The following TTBK1 variants were observed in gnomAD, a reference collection of about 807,000 sequenced individuals.
TTBK1 encodes the protein tau tubulin kinase 1.
Under a neutral mutation model 108.5 loss-of-function variants are expected in TTBK1, and 34 were observed. The ratio of observed to expected loss-of-function variants is 0.31; its 90% confidence interval spans 0.24 to 0.42. The LOEUF (loss-of-function observed/expected upper bound fraction) is 0.42, where lower values mean the gene tolerates loss of function less well. Ranked by LOEUF, TTBK1 falls within the 10% of genes least tolerant of loss-of-function variation. The probability of loss-of-function intolerance (pLI) is 1.00; values close to 1 mark genes in which losing one functional copy is unlikely to be tolerated. For missense variants in TTBK1, 1,539 were observed against 1,826.0 expected, an observed-to-expected ratio of 0.84 and a Z score of 2.86; for synonymous variants, 809 against 795.1, an observed-to-expected ratio of 1.02 and a Z score of -0.29.
chr6:43,275,357 G>T (rs1295728497), intron 13 of TTBK1, among the ~76,000 whole-genome samples: 2 of 149,922 alleles, frequency 1.3e-5, no homozygotes, highest in African/African-American at 4.9e-5. Flanking sequence ...CGCGTCCCCC[G>T]CCGCCCCCGT....
chr6:43,268,714 C>T (rs796797737), intron 13 of TTBK1, among the ~76,000 whole-genome samples: 28 of 152,284 alleles, frequency 1.8e-4, no homozygotes, highest in Middle Eastern at 3.4e-3. Flanking sequence ...TTCCAGAAGG[C>T]GATGAGGCAG....
intron 10 of TTBK1, among the ~76,000 whole-genome samples, chr6:43,258,432 C>G (rs1777435010): frequency 6.6e-6 from 1 of 152,062 alleles, no homozygotes; most frequent in South Asian, 2.1e-4. Flanking sequence ...TTAGAAGGGG[C>G]TCTCCACCCA....
Position 43,254,540 on chromosome 6 carries a change from C to T in TTBK1, c.472-7C>T, listed in dbSNP as rs1171997128. ...CCCCCAGAGCTCACAGCTGCTGTCT[C>T]CCCCAGTCAAACTTTGCCATGGGCA... On this transcript the variant is annotated splice_polypyrimidine_tract_variant and splice_region_variant and intron_variant, in intron 5 of 14. Coordinates refer to ENST00000259750, the MANE Select transcript of TTBK1 (RefSeq NM_032538.3). 6.4e-7 allele frequency: 1 copy of T among 1,568,068 alleles called. No individual in the cohort carries two copies. Among genetic ancestry groups the T allele is most frequent in the Non-Finnish European group, 8.6e-7 (1 of 1,160,210 alleles).
chr6:43,281,784 G>GA (rs1778171165), intron 13 of TTBK1, among the ~76,000 whole-genome samples: 2 of 152,186 alleles, frequency 1.3e-5, no homozygotes, highest in Admixed American at 1.3e-4. Flanking sequence ...TCCCACCATG[G>GA]AACAAAGCTG....
chr6:43,278,053 G>C (rs1448237587), intron 13 of TTBK1, among the ~76,000 whole-genome samples: 1 of 152,184 alleles, frequency 6.6e-6, no homozygotes, highest in East Asian at 1.9e-4. Flanking sequence ...CTGTGGGCCG[G>C]GGTGCAGTGC....
Position 43,285,253 on chromosome 6 carries a change from C to A in TTBK1, c.3843C>A (p.Ala1281=), listed in dbSNP as rs1452552705. The A allele has an allele frequency of 6.2e-6, 8 of 1,298,092 alleles. No individual in the cohort carries two copies. The African/African-American group carries it at 9.3e-5, about 15-fold the overall frequency. 80.4% of individuals were successfully genotyped at this position (1,298,092 alleles called of 1,614,324 possible). The change falls in exon 15 of 15, where the codon GCC becomes GCA. Residue 1281 remains alanine, a synonymous_variant. Transcript: ENST00000259750. This position sits in a 1 kb window ranked among gnomAD's most constrained non-coding sequence, Gnocchi z 4.7. The part of the protein sequence containing the change: ...PPPRGVPPAR[A]QPDGTPSPGG... ...CCCGGGGCGTCCCGCCGGCCCGGGC[C>A]CAGCCTGATGGCACCCCCTCCCCCG...
chr6:43,246,385 G>C (rs945611957), intron 1 of TTBK1, among the ~76,000 whole-genome samples: 1 of 152,174 alleles, frequency 6.6e-6, no homozygotes, highest in South Asian at 2.1e-4. Flanking sequence ...CTTCTTCATT[G>C]GTCAACATGT....
chr6:43,246,824 C>G lies in TTBK1; in HGVS notation c.108+56C>G, dbSNP rs894197228. Reference sequence around the variant, plus strand: ...GGGTAGCGGGGAGGGAGGCGAGGACCTGGAGACTTGTTAAAACCGGTGCCC... The same window carrying G: ...GGGTAGCGGGGAGGGAGGCGAGGACGTGGAGACTTGTTAAAACCGGTGCCC... On this transcript the variant is annotated intron_variant, in intron 2 of 14. Coordinates refer to ENST00000259750, the MANE Select transcript of TTBK1 (RefSeq NM_032538.3). The G allele has an allele frequency of 6.9e-6, 10 of 1,454,572 alleles. No homozygotes were observed. In the African/African-American group the frequency reaches 1.3e-4, roughly 18 times the overall value. 90.1% of individuals were successfully genotyped at this position (1,454,572 alleles called of 1,614,324 possible).
chr6:43,249,890 T>C (rs1777191304), intron 2 of TTBK1, among the ~76,000 whole-genome samples: 1 of 152,062 alleles, frequency 6.6e-6, no homozygotes, highest in Non-Finnish European at 1.5e-5. Flanking sequence ...CTTATGATTT[T>C]AAAAGAAATT....
At chr6:43,256,126 A>G (rs1176340291) in intron 9 of TTBK1, among the ~76,000 whole-genome samples, 2 of 149,178 alleles carry the variant, frequency 1.3e-5, no homozygotes, top group African/African-American at 2.5e-5. Flanking sequence ...TGCTCCTTAT[A>G]TTATTATTCC....
In TTBK1 at chr6:43,285,271, C is replaced by G; in HGVS notation, c.3861C>G (p.Pro1287=). The stretch of plus-strand genomic sequence containing the variant: ...CCCGGGCCCAGCCTGATGGCACCCC[C>G]TCCCCCGGGGGCTCCAAGAAAGGAC... The part of the protein sequence containing the change: ...PPARAQPDGT[P]SPGGSKKGPR... The change falls in exon 15 of 15, where the codon CCC becomes CCG. Residue 1287 remains proline (P), a synonymous_variant. Transcript: ENST00000259750. This position sits in a 1 kb window ranked among gnomAD's most constrained non-coding sequence, Gnocchi z 4.7. 7.7e-7 allele frequency: 1 copy of G among 1,293,464 alleles called. No homozygotes were observed. The highest frequency in any genetic ancestry group is 9.8e-7 in the Non-Finnish European group (1 of 1,024,508). The allele number at this position is 1,293,464 out of a possible 1,614,324, so 80.1% of individuals were successfully genotyped here. A position where few individuals can be genotyped will look rare whatever the true frequency, so the allele number is the denominator to read the frequency against.
chr6:43,250,392 T>A (rs1777206019), intron 2 of TTBK1, among the ~76,000 whole-genome samples: 2 of 147,078 alleles, frequency 1.4e-5, no homozygotes, highest in African/African-American at 5.1e-5. Context: ...GTTTCTCTCT[T>A]GTTGCCCAGG....
Position 43,259,944 on chromosome 6 carries a change from G to A in TTBK1, c.1424+238G>A, listed in dbSNP as rs375434315. On this transcript the variant is annotated intron_variant, in intron 12 of 14. Transcript: ENST00000259750. The surrounding 1 kb of genome is among the most constrained non-coding windows in gnomAD (Gnocchi z 6.7). ...AGGAAACGTAATTGGGTGAGTGCAG[G>A]CTGCAGGAGGGACAGGTGGGGCGCC... Among the ~76,000 whole-genome samples the A allele has an allele frequency of 1.3e-5, 2 of 152,244 alleles. No homozygotes were observed. Among genetic ancestry groups the A allele is most frequent in the African/African-American group, 2.4e-5 (1 of 41,458 alleles).
rs372197835 is a variant in TTBK1, at chr6:43,265,437, G to A, written c.1986+2087G>A. 5.9e-5 allele frequency among the ~76,000 whole-genome samples: 9 copies of A among 152,202 alleles called. No individual in the cohort carries two copies. Among genetic ancestry groups the A allele is most frequent in the East Asian group, 1.9e-4 (1 of 5,198 alleles). On this transcript the variant is annotated intron_variant, in intron 13 of 14. Transcript: ENST00000259750. This position sits in a 1 kb window ranked among gnomAD's most constrained non-coding sequence, Gnocchi z 4.1. ...GGCCTTGCCTGGACACTGGAAACTG[G>A]GGGCTCAAAAAGTGGGGCCCGTGAG...
Position 43,283,851 on chromosome 6 carries a change from G to A in TTBK1, c.3111G>A (p.Val1037=), listed in dbSNP as rs1424042564. ...VSPLEPSPEK[V]ATISPRRHAM... is the part of the protein sequence containing the mutation. ...CGCTGGAGCCAAGCCCTGAGAAAGT[G>A]GCCACCATCTCCCCCAGACGCCATG... Residue 1037 remains valine, a synonymous_variant, in exon 14 of 15, where the codon GTG becomes GTA. Coordinates refer to ENST00000259750, the MANE Select transcript of TTBK1 (RefSeq NM_032538.3). The surrounding 1 kb of genome is among the most constrained non-coding windows in gnomAD (Gnocchi z 8.1). The A allele has an allele frequency of 1.2e-6, 2 of 1,609,852 alleles. No homozygotes were observed. The highest frequency in any genetic ancestry group is 3.3e-5 in the Admixed American group (2 of 59,726).
In TTBK1 at chr6:43,259,270, G is replaced by C. The variant is rs749011185; in HGVS notation, c.1248+1G>C. The C allele has an allele frequency of 3.9e-6, 6 of 1,546,794 alleles. No individual in the cohort carries two copies. In the East Asian group the frequency reaches 1.1e-4, roughly 29 times the overall value. ...CAAACTCCGGATCAACATCGGCAAA[G>C]TAACTGCCGCCAGGGCGAAGGGCGT... On this transcript the variant is annotated splice_donor_variant, in intron 11 of 14. Transcript: ENST00000259750. LOFTEE classifies it high-confidence loss of function. This position sits in a 1 kb window ranked among gnomAD's most constrained non-coding sequence, Gnocchi z 6.7.
At chr6:43,272,954 G>A (rs765111497) in intron 13 of TTBK1, among the ~76,000 whole-genome samples, 3 of 152,098 alleles carry the variant, frequency 2.0e-5, no homozygotes, top group African/African-American at 7.2e-5. Context: ...TGGTGTTTTC[G>A]CACTTCATAG....
chr6:43,247,249 C>T, intron 2 of TTBK1, among the ~76,000 whole-genome samples: 1 of 152,348 alleles, frequency 6.6e-6, no homozygotes, highest in Non-Finnish European at 1.5e-5. Context: ...CCAGCCTCCT[C>T]CCCTCGCCGG....
At position 43,259,586 on chromosome 6, in the gene TTBK1, T is replaced by C; in HGVS notation, c.1304T>C (p.Val435Ala). The C allele has an allele frequency of 6.2e-7, 1 of 1,610,540 alleles. No homozygotes were observed. The highest frequency in any genetic ancestry group is 8.5e-7 in the Non-Finnish European group (1 of 1,178,538). The stretch of plus-strand genomic sequence containing the variant: ...GGCATGGGGGTCCCCAGCTCCCCAG[T>C]GCGTGCCCCCCCAGACTCCCCCACA... ...SRGMGVPSSP[V>A]RAPPDSPTTP... The change falls in exon 12 of 15, where the codon GTG becomes GCG. Residue 435 changes from valine to alanine, a missense_variant. Transcript: ENST00000259750. The surrounding 1 kb of genome is among the most constrained non-coding windows in gnomAD (Gnocchi z 6.7).
Sources: gnomAD v4.1 joint callset for allele counts (sites outside exome capture counted in the v4.1 genomes callset) on GRCh38, gnomAD v4.1.1 for gene constraint, Gnocchi (gnomAD v3.1) non-coding constraint, MANE v1.5 for transcripts, NCBI Gene and HGNC (gene_info 2026-07-23, HGNC 2026-07-21) for gene names.